OPA3: variants seen among roughly 807,000 people sequenced by gnomAD.
The protein encoded by OPA3 is outer mitochondrial membrane lipid metabolism regulator OPA3.
In OPA3, 6 loss-of-function variants were observed where a neutral mutation model predicts 4.0. The observed-to-expected ratio is 1.51, with a 90% confidence interval of 0.83 to 2.99. The LOEUF is 2.99. Ranked by LOEUF, OPA3 falls within the 30% of genes most tolerant of loss-of-function variation. OPA3 has a pLI of 0.00. For synonymous variants in OPA3, 105 were observed against 117.1 expected (o/e 0.90, Z 0.67); for missense variants, 235 against 256.2 (o/e 0.92, Z 0.56).
intron 1 of OPA3, among the ~76,000 whole-genome samples, chr19:45,538,150 G>T (rs1383732993): frequency 7.0e-6 from 1 of 143,300 alleles, no homozygotes; most frequent in Non-Finnish European, 1.5e-5. Context: ...AAAGATTCTA[G>T]CTAGCTATGG....
At chr19:45,543,736 G>A (rs545115104), downstream of OPA3, among the ~76,000 whole-genome samples, 227 of 152,264 alleles carry the variant, frequency 1.5e-3, 1 homozygote, top group African/African-American at 5.3e-3. Context: ...CAAAGTGCTG[G>A]GATTACAGGT....
chr19:45,560,849 C>G (rs1294939213), intron 1 of OPA3, among the ~76,000 whole-genome samples: 3 of 152,148 alleles, frequency 2.0e-5, no homozygotes, highest in Admixed American at 2.0e-4. Flanking sequence ...GAGATTTCCC[C>G]GGGAAAGGAG....
At chr19:45,528,535 C>G (rs2122365423) in exon 2 of OPA3, 1 of 155,406 alleles carries the variant, frequency 6.4e-6, no homozygotes, top group African/African-American at 2.4e-5. Flanking sequence ...TCGGGAAGTC[C>G]GTAGGAACTT....
At chr19:45,535,027 GT>G (rs1049631519) in intron 1 of OPA3, among the ~76,000 whole-genome samples, 15 of 152,074 alleles carry the variant, frequency 9.9e-5, no homozygotes, top group African/African-American at 3.6e-4. Context: ...TGTAAATAAA[GT>G]TTTTCTTTCC....
chr19:45,534,336 T>C (rs1013916206), intron 1 of OPA3, among the ~76,000 whole-genome samples: 1 of 151,910 alleles, frequency 6.6e-6, no homozygotes, highest in Non-Finnish European at 1.5e-5. Context: ...CTGAGGTGGG[T>C]GGATGACCTG....
At chr19:45,537,127 A>T (rs529596730) in intron 1 of OPA3, among the ~76,000 whole-genome samples, 1 of 152,214 alleles carries the variant, frequency 6.6e-6, no homozygotes, top group Admixed American at 6.5e-5. Context: ...GCTAATTTTT[A>T]AAAAACTTTT....
intron 1 of OPA3, among the ~76,000 whole-genome samples, chr19:45,534,121 C>T (rs1221578672): frequency 6.6e-6 from 1 of 152,168 alleles, no homozygotes; most frequent in Admixed American, 6.5e-5. Context: ...AGTGAAAACA[C>T]TTGTAATGTT....
chr19:45,556,192 G>A (rs1969418689), intron 1 of OPA3, among the ~76,000 whole-genome samples: 1 of 152,082 alleles, frequency 6.6e-6, no homozygotes, highest in Non-Finnish European at 1.5e-5. Context: ...TGCCCAGGCT[G>A]GAGTGCTGTG....
intron 1 of OPA3, among the ~76,000 whole-genome samples, chr19:45,568,852 C>T (rs564854394): frequency 5.9e-5 from 9 of 152,148 alleles, no homozygotes; most frequent in African/African-American, 9.6e-5. Context: ...GCAGGAAATC[C>T]GGGATGAGGC....
intron 1 of OPA3, among the ~76,000 whole-genome samples, chr19:45,536,746 A>T (rs534071135): frequency 6.6e-6 from 1 of 152,230 alleles, no homozygotes; most frequent in Non-Finnish European, 1.5e-5. Context: ...ATGCACAGTC[A>T]TATGACTTGT....
intron 1 of OPA3, among the ~76,000 whole-genome samples, chr19:45,566,987 T>C (rs953620472): frequency 2.6e-5 from 4 of 152,226 alleles, no homozygotes; most frequent in South Asian, 2.1e-4. Flanking sequence ...AAGCATGGCA[T>C]ATTCATATAC....
chr19:45,560,365 G>A (rs961705064), intron 1 of OPA3, among the ~76,000 whole-genome samples: 8 of 152,180 alleles, frequency 5.3e-5, no homozygotes, highest in Non-Finnish European at 8.8e-5. Context: ...GGCAGGACCT[G>A]AGGCTAACTC....
At chr19:45,560,296 T>A (rs996713424) in intron 1 of OPA3, among the ~76,000 whole-genome samples, 4 of 152,292 alleles carry the variant, frequency 2.6e-5, no homozygotes, top group South Asian at 2.1e-4. Flanking sequence ...CTGACTGCTC[T>A]GGGTCCTCAC....
At position 45,561,712 on chromosome 19, in the gene OPA3, G is replaced by A. The variant is rs972869995; in HGVS notation, c.143-7801C>T. On this transcript the variant is annotated intron_variant, in intron 1 of 1. Coordinates refer to ENST00000263275, the MANE Select transcript of OPA3 (RefSeq NM_025136.4). ...TCCCAGCACTTTGGGAGGCCGAGGC[G>A]GGCAGATCACCTGAGGTCAGGAATT... 6.6e-5 allele frequency among the ~76,000 whole-genome samples: 10 copies of A among 151,766 alleles called. No homozygotes were observed. The East Asian group carries it at 1.2e-3, about 18-fold the overall frequency.
At chr19:45,545,794 C>G (rs1252709442), downstream of OPA3, among the ~76,000 whole-genome samples, 1 of 147,920 alleles carries the variant, frequency 6.8e-6, no homozygotes, top group Non-Finnish European at 1.5e-5. Flanking sequence ...CTCACTGCAA[C>G]CTCCGTCTCC....
At chr19:45,529,234 A>C (rs771753477) in exon 2 of OPA3, 3 of 1,613,090 alleles carry the variant, frequency 1.9e-6, no homozygotes, top group Non-Finnish European at 1.7e-6. Context: ...CTCGCCCCGC[A>C]GCGCCTCCCT....
exon 2 of OPA3, chr19:45,527,461 T>A (rs575002396): frequency 6.9e-6 from 1 of 144,930 alleles, no homozygotes; most frequent in East Asian, 2.2e-4. Context: ...CAGTCTGGAG[T>A]GTAGTGGCAG....
intron 1 of OPA3, among the ~76,000 whole-genome samples, chr19:45,533,273 C>T (rs1278825692): frequency 6.6e-6 from 1 of 151,896 alleles, no homozygotes; most frequent in Non-Finnish European, 1.5e-5. Context: ...CTGCTCACTG[C>T]AAGCTCCGCC....
rs1969356800 is a variant in OPA3 at position 45,552,901 on chromosome 19, C to G, written c.*613G>C. On this transcript the variant is annotated 3_prime_UTR_variant, in exon 2 of 2. Coordinates refer to ENST00000263275, the MANE Select transcript of OPA3 (RefSeq NM_025136.4). Reference sequence around the variant, plus strand: ...ATGTTGGCCAGGCTGGTCTGGAACTCCTGACCTCAAGTGATCCGCCCGCCT... The same window carrying G: ...ATGTTGGCCAGGCTGGTCTGGAACTGCTGACCTCAAGTGATCCGCCCGCCT... 1.4e-6 allele frequency: 1 copy of G among 695,818 alleles called. No individual in the cohort carries two copies. The highest frequency in any genetic ancestry group is 1.9e-5 in the African/African-American group (1 of 51,506). 43.1% of individuals were successfully genotyped at this position (695,818 alleles called of 1,614,324 possible).
Sources: allele counts gnomAD v4.1 joint callset (sites outside exome capture counted in the v4.1 genomes callset), GRCh38; gene constraint gnomAD v4.1.1; transcripts MANE v1.5; gene names NCBI Gene and HGNC (gene_info 2026-07-23, HGNC 2026-07-21).